TNS1: variants seen among roughly 807,000 people sequenced by gnomAD.
The protein encoded by TNS1 is tensin-1.
TNS1 carries 62 observed loss-of-function variants against 168.6 expected under a neutral mutation model. That is an observed-to-expected ratio of 0.37 (90% CI 0.30 to 0.45). TNS1 has a LOEUF of 0.45. Among genes scored for constraint, TNS1 ranks in the 20% least tolerant of loss-of-function variants. The pLI is 1.00. For missense variants in TNS1, 2,240 were observed against 2,339.4 expected (o/e 0.96, Z 0.88); for synonymous variants, 934 against 933.2 (o/e 1.00, Z -0.02).
Position 217,804,422 on chromosome 2 carries a change from C to T in TNS1, c.*37G>A, listed in dbSNP as rs1938009517. 2 of 1,612,582 alleles carry T rather than the reference C, an allele frequency of 1.2e-6. No individual in the cohort carries two copies. The highest frequency in any genetic ancestry group is 1.7e-6 in the Non-Finnish European group (2 of 1,179,080). On this transcript the variant is annotated 3_prime_UTR_variant, in exon 33 of 33. Coordinates refer to ENST00000682258, the MANE Select transcript of TNS1 (RefSeq NM_001387777.1). Reference sequence around the variant, plus strand: ...TCATGGGTCCCCTCCCCACAAGCCCCTTCCCCATGGCACTGGCCCTGGGCA... The same window carrying T: ...TCATGGGTCCCCTCCCCACAAGCCCTTTCCCCATGGCACTGGCCCTGGGCA...
intron 21 of TNS1, among the ~76,000 whole-genome samples, chr2:217,833,239 G>A (rs976697046): frequency 6.6e-6 from 1 of 152,234 alleles, no homozygotes; most frequent in Non-Finnish European, 1.5e-5. Flanking sequence ...AGACAGGGCA[G>A]GAGCTCTCTC....
At chr2:217,827,003 C>T (rs1943723302) in intron 22 of TNS1, among the ~76,000 whole-genome samples, 1 of 152,124 alleles carries the variant, frequency 6.6e-6, no homozygotes, top group African/African-American at 2.4e-5. Flanking sequence ...CCCCAGGTCC[C>T]AGATCTAGAA....
At chr2:218,013,223 T>C (rs909800690), upstream of TNS1, among the ~76,000 whole-genome samples, 1 of 149,834 alleles carries the variant, frequency 6.7e-6, no homozygotes, top group Non-Finnish European at 1.5e-5. Flanking sequence ...GCCACTGCAC[T>C]CCAGCCTGGG....
Position 217,848,539 on chromosome 2 carries a change from C to T in TNS1, c.1978G>A (p.Glu660Lys), listed in dbSNP as rs1200869972. The change falls in exon 19 of 33, where the codon GAG (glutamate) becomes AAG (lysine). Residue 660 changes from glutamate to lysine, a missense_variant. By Grantham distance (56) the Glu-to-Lys change is moderately conservative. This residue lies in a region of TNS1 where 2,131 missense variants were observed against 2,171.2 expected (regional missense o/e 0.98). Transcript: ENST00000682258. ...CCGTTGGTCAGTGGGGACAGGGCCTCTGGGTAGCCCCCCTCACTGGTGTTG... is the reference window on the plus strand; with the variant it reads ...CCGTTGGTCAGTGGGGACAGGGCCTTTGGGTAGCCCCCCTCACTGGTGTTG... Reference protein sequence around the residue: ...VTNTSEGGYPEALSPLTNGLD... With the variant: ...VTNTSEGGYPKALSPLTNGLD... The T allele has an allele frequency of 1.2e-6, 2 of 1,613,838 alleles. No individual in the cohort carries two copies. The highest frequency in any genetic ancestry group is 1.7e-6 in the Non-Finnish European group (2 of 1,179,908).
chr2:218,010,940 C>A (rs553918089), upstream of TNS1, among the ~76,000 whole-genome samples: 2 of 152,286 alleles, frequency 1.3e-5, no homozygotes, highest in African/African-American at 4.8e-5. Flanking sequence ...AACCTCTGAC[C>A]CTGGCCACAC....
intron 4 of TNS1, among the ~76,000 whole-genome samples, chr2:217,918,166 T>C (rs1267584518): frequency 2.0e-5 from 3 of 152,184 alleles, no homozygotes. Context: ...ATGAATTAAA[T>C]GGATTAATGT....
chr2:217,867,566 G>A (rs1166562500), intron 18 of TNS1, among the ~76,000 whole-genome samples: 1 of 152,238 alleles, frequency 6.6e-6, no homozygotes, highest in Non-Finnish European at 1.5e-5. Context: ...TCTTTACAAT[G>A]TATCATTCTA....
chr2:218,006,303 G>C (rs1958657049), upstream of TNS1, among the ~76,000 whole-genome samples: 3 of 152,228 alleles, frequency 2.0e-5, no homozygotes, highest in South Asian at 6.2e-4. Context: ...CTGGGCCTCA[G>C]TTTCCTTTAC....
intron 3 of TNS1, among the ~76,000 whole-genome samples, chr2:217,931,845 G>T (rs903734801): frequency 1.3e-5 from 2 of 152,176 alleles, no homozygotes; most frequent in Admixed American, 6.5e-5. Flanking sequence ...CAGATTTGAA[G>T]AAGTGCCTTA....
In TNS1 at chr2:217,995,287, T is replaced by C. The variant is rs534080158; in HGVS notation, c.34-4231A>G. On this transcript the variant is annotated intron_variant, in intron 1 of 32. Transcript: ENST00000682258. The surrounding 1 kb of genome is among the most constrained non-coding windows in gnomAD (Gnocchi z 4.1). ...TCCCATAGGTTTGATGTTCCCAGGA[T>C]GCTAGAGGAGAAAGTCTACGGTCGG... Among the ~76,000 whole-genome samples the C allele has an allele frequency of 6.6e-6, 1 of 152,266 alleles. No homozygotes were observed. Among genetic ancestry groups the C allele is most frequent in the Non-Finnish European group, 1.5e-5 (1 of 68,018 alleles).
intron 19 of TNS1, among the ~76,000 whole-genome samples, chr2:217,839,503 G>T (rs1945642979): frequency 3.9e-5 from 6 of 152,018 alleles, no homozygotes; most frequent in Admixed American, 3.9e-4. Context: ...CTCACTCCAA[G>T]GCTCCCCTAG....
Position 218,023,812 on chromosome 2 carries a change from G to A in TNS1, c.156+10008C>T, listed in dbSNP as rs796118860. 1.2e-4 allele frequency among the ~76,000 whole-genome samples: 18 copies of A among 152,214 alleles called. 1 individual carries two copies. Among genetic ancestry groups the A allele is most frequent in the African/African-American group, 2.6e-4 (11 of 41,524 alleles). On this transcript the variant is annotated intron_variant, in intron 1 of 1. Coordinates refer to the TNS1 transcript ENST00000649572. ...CACCAGCCCTCCTTGTTTTGTTGCC[G>A]TGAGGCTCTGAGCTCATCTGTCCCC...
chr2:217,821,948 G>T lies in TNS1; in HGVS notation c.3374-10C>A. The T allele has an allele frequency of 6.3e-7, 1 of 1,575,482 alleles. No individual in the cohort carries two copies. The highest frequency in any genetic ancestry group is 8.6e-7 in the Non-Finnish European group (1 of 1,160,592). On this transcript the variant is annotated splice_polypyrimidine_tract_variant and intron_variant, in intron 22 of 32. Transcript: ENST00000682258. ...ACATAGCTCCGGGGCTCTGGAAGGGGCAAGAGGACAGAGACACTGAGCACA... is the reference window on the plus strand; with the variant it reads ...ACATAGCTCCGGGGCTCTGGAAGGGTCAAGAGGACAGAGACACTGAGCACA...
chr2:217,816,491 C>T (rs1180483927), intron 24 of TNS1, among the ~76,000 whole-genome samples: 1 of 152,184 alleles, frequency 6.6e-6, no homozygotes, highest in Non-Finnish European at 1.5e-5. Context: ...CCTTTCCTGG[C>T]AGCCGTGTGC....
At chr2:217,939,402 G>A (rs1956795637) in intron 3 of TNS1, among the ~76,000 whole-genome samples, 1 of 152,222 alleles carries the variant, frequency 6.6e-6, no homozygotes, top group Non-Finnish European at 1.5e-5. Flanking sequence ...GCGGCACTCT[G>A]CCAAGCACAG....
At chr2:217,922,819 C>T (rs545295547) in intron 3 of TNS1, among the ~76,000 whole-genome samples, 1 of 152,366 alleles carries the variant, frequency 6.6e-6, no homozygotes, top group African/African-American at 2.4e-5. Context: ...TTGGTGCCCC[C>T]TCGTGGCCTG....
intron 1 of TNS1, among the ~76,000 whole-genome samples, chr2:218,030,851 CTGTG>C (rs1343218003): frequency 2.0e-5 from 3 of 152,122 alleles, no homozygotes; most frequent in Non-Finnish European, 2.9e-5. Context: ...GGCTGTGTGT[CTGTG>C]TGTGTCAGTG....
intron 3 of TNS1, among the ~76,000 whole-genome samples, chr2:217,934,855 C>T (rs1956519803): frequency 6.6e-6 from 1 of 152,226 alleles, no homozygotes; most frequent in East Asian, 1.9e-4. Context: ...CTGCCAAAGG[C>T]CCCAAGACTA....
intron 18 of TNS1, chr2:217,858,581 T>G: frequency 1.0e-6 from 1 of 986,004 alleles, no homozygotes; most frequent in Non-Finnish European, 1.2e-6. Flanking sequence ...AATTCCTACA[T>G]GGCTGCAGCT....
Sources: gnomAD v4.1 joint callset for allele counts (sites outside exome capture counted in the v4.1 genomes callset) on GRCh38, gnomAD v4.1.1 for gene constraint, gnomAD v4.1.1 regional missense constraint, Gnocchi (gnomAD v3.1) non-coding constraint, MANE v1.5 for transcripts, NCBI Gene and HGNC (gene_info 2026-07-23, HGNC 2026-07-21) for gene names.